Variants in GRIA4 observed in about 807,000 individuals in gnomAD.
GRIA4 encodes glutamate receptor 4.
A neutral mutation model predicts 104.0 loss-of-function variants in GRIA4; 34 were observed. The ratio of observed to expected loss-of-function variants is 0.33; its 90% CI spans 0.25 to 0.44. The LOEUF (loss-of-function observed/expected upper bound fraction) is 0.44, where lower values mean the gene tolerates loss of function less well. Among genes scored for constraint, GRIA4 ranks in the 20% least tolerant of loss-of-function variants. The pLI is 1.00. For missense variants in GRIA4, 750 were observed against 1,096.5 expected (o/e 0.68, Z 4.46); for synonymous variants, 386 against 381.9 (o/e 1.01, Z -0.13).
intron 3 of GRIA4, among the ~76,000 whole-genome samples, chr11:105,644,252 CA>C (rs1951457088): frequency 6.6e-6 from 1 of 152,076 alleles, no homozygotes; most frequent in South Asian, 2.1e-4. Context: ...TTTGCTGTCC[CA>C]AAGCCACATC....
At chr11:105,737,628 T>C (rs1271505616) in intron 3 of GRIA4, among the ~76,000 whole-genome samples, 1 of 152,166 alleles carries the variant, frequency 6.6e-6, no homozygotes, top group Non-Finnish European at 1.5e-5. Flanking sequence ...TTTTCCGTAA[T>C]CCCTTAAGAC....
intron 14 of GRIA4, among the ~76,000 whole-genome samples, chr11:105,965,388 G>A (rs1362929498): frequency 6.9e-6 from 1 of 145,928 alleles, no homozygotes; most frequent in Non-Finnish European, 1.5e-5. Flanking sequence ...GTAGCTTCTA[G>A]TCCATGAAGC....
intron 6 of GRIA4, among the ~76,000 whole-genome samples, chr11:105,888,941 T>C (rs564376696): frequency 2.0e-5 from 3 of 152,252 alleles, no homozygotes; most frequent in South Asian, 4.1e-4. Flanking sequence ...TTTATAAAAA[T>C]ATAAAATTTA....
At chr11:105,711,786 C>T (rs2135550253) in intron 3 of GRIA4, among the ~76,000 whole-genome samples, 1 of 152,152 alleles carries the variant, frequency 6.6e-6, no homozygotes. Context: ...TGGCACCTGT[C>T]CTTAATGTTG....
At chr11:105,969,084 T>C (rs1565372065) in intron 14 of GRIA4, among the ~76,000 whole-genome samples, 3 of 152,228 alleles carry the variant, frequency 2.0e-5, no homozygotes, top group Admixed American at 1.3e-4. Context: ...TAAGTGTTAT[T>C]ATACCAAATA....
chr11:105,897,070 C>G (rs1946675593), intron 6 of GRIA4, among the ~76,000 whole-genome samples: 1 of 152,074 alleles, frequency 6.6e-6, no homozygotes, highest in African/African-American at 2.4e-5. Flanking sequence ...TTTTAGGTGT[C>G]ATCTATGATT....
rs1039354664 is a variant in GRIA4 at position 105,610,849 on chromosome 11, T to C, written c.-90-59T>C. On this transcript the variant is annotated intron_variant, in intron 1 of 16. Coordinates refer to ENST00000282499, the MANE Select transcript of GRIA4 (RefSeq NM_000829.4). ...AACCACCGAAACCTCTTTCCTTTTT[T>C]TTCTTTCTTTTCTTTCTTTTCTTTT... is the stretch of plus-strand genomic sequence containing the variant. The C allele has an allele frequency of 1.4e-5, 8 of 553,284 alleles. No homozygotes were observed. The African/African-American group carries it at 1.7e-4, about 11-fold the overall frequency. 34.3% of individuals were successfully genotyped at this position (553,284 alleles called of 1,614,324 possible).
intron 3 of GRIA4, among the ~76,000 whole-genome samples, chr11:105,654,563 G>A (rs766713350): frequency 2.0e-5 from 3 of 151,854 alleles, no homozygotes; most frequent in Non-Finnish European, 4.4e-5. Context: ...TCTTATCCTA[G>A]CTTTTTGGGT....
In GRIA4 at chr11:105,967,473, G is replaced by C. The variant is rs7930799; in HGVS notation, c.2295-4441G>C. On this transcript the variant is annotated intron_variant, in intron 14 of 16. Transcript: ENST00000282499. ...GGACATAAATATTTGTTGTCCAAAAGAATAAATTTCTCTCTAACCCTGTAG... is the reference window on the plus strand; with the variant it reads ...GGACATAAATATTTGTTGTCCAAAACAATAAATTTCTCTCTAACCCTGTAG... Among the ~76,000 whole-genome samples, 756 of 152,208 alleles carry C rather than the reference G, an allele frequency of 5.0e-3. 5 individuals carry two copies. Among genetic ancestry groups the C allele is most frequent in the African/African-American group, 0.017 (696 of 41,550 alleles).
intron 4 of GRIA4, among the ~76,000 whole-genome samples, chr11:105,794,437 GT>G (rs1942361623): frequency 1.6e-5 from 2 of 124,178 alleles, no homozygotes; most frequent in African/African-American, 3.1e-5. Flanking sequence ...GCCGGGGTGT[GT>G]GTGTGTGTGT....
At position 105,941,672 on chromosome 11, in the gene GRIA4, CAGAATA is replaced by C. The variant is rs1948183161; in HGVS notation, c.2294+7709_2294+7714del. 4.6e-5 allele frequency among the ~76,000 whole-genome samples: 7 copies of C among 151,898 alleles called. No individual in the cohort carries two copies. In the South Asian group the frequency reaches 1.5e-3, roughly 31 times the overall value. The stretch of plus-strand genomic sequence containing the variant: ...AAGTGCTAAATATTTGGGAGTTAGC[CAGAATA>C]AGAATTCAATTGGAGTCAATCAAAC... On this transcript the variant is annotated intron_variant, in intron 14 of 16. Transcript: ENST00000282499.
At chr11:105,923,506 A>G (rs779105139) in intron 11 of GRIA4, among the ~76,000 whole-genome samples, 1 of 152,098 alleles carries the variant, frequency 6.6e-6, no homozygotes, top group Non-Finnish European at 1.5e-5. Flanking sequence ...AAATATTTAG[A>G]TCAGCATCAG....
chr11:105,756,623 A>C (rs2135705322), intron 4 of GRIA4, among the ~76,000 whole-genome samples: 1 of 145,672 alleles, frequency 6.9e-6, no homozygotes, highest in Middle Eastern at 3.5e-3. Flanking sequence ...TTAATAACTC[A>C]GAAAAAAAAA....
chr11:105,926,675 G>A, intron 12 of GRIA4, 66 bp from the exon 13 acceptor site: 10 of 940,598 alleles, frequency 1.1e-5, no homozygotes, highest in Non-Finnish European at 1.4e-5. Context: ...TGAATTGACG[G>A]TATTTCTTTT....
intron 5 of GRIA4, among the ~76,000 whole-genome samples, chr11:105,878,472 G>A (rs1373474278): frequency 6.6e-6 from 1 of 152,218 alleles, no homozygotes; most frequent in Non-Finnish European, 1.5e-5. Flanking sequence ...TCTCTTCAGA[G>A]CCAGCAGGCA....
chr11:105,977,915 A>C (rs982195738), intron 16 of GRIA4, among the ~76,000 whole-genome samples: 1 of 152,026 alleles, frequency 6.6e-6, no homozygotes, highest in African/African-American at 2.4e-5. Flanking sequence ...TTCTTGATTA[A>C]GGGATTCTTT....
rs114323282 is a variant in GRIA4, at chr11:105,862,109, T to G, written c.573T>G (p.Asp191Glu). 3.4e-4 allele frequency: 546 copies of G among 1,610,062 alleles called. 7 individuals are homozygous for G. In the Middle Eastern group the frequency reaches 6.1e-3, roughly 18 times the overall value. ...CTATATGTGTGGAAAATTTTAATGA[T>G]GTCAGCTATAGGCAACTTCTAGAAG... ...VSAICVENFN[D>E]VSYRQLLEEL... The change falls in exon 5 of 17, where the codon GAT becomes GAG. Residue 191 changes from aspartate (D) to glutamate (E), a missense_variant. Asp to Glu is a conservative substitution (Grantham distance 45). Around this residue, in one of 3 missense-constraint regions of GRIA4, gnomAD observed 410 missense variants for 502.7 expected, o/e 0.82. Transcript: ENST00000282499.
chr11:105,906,469 G>C (rs1429233932), intron 9 of GRIA4, among the ~76,000 whole-genome samples: 1 of 152,142 alleles, frequency 6.6e-6, no homozygotes, highest in Admixed American at 6.5e-5. Context: ...CCGAAGAAAG[G>C]CTTGGAGGCA....
At chr11:105,803,639 T>A (rs1364661175) in intron 4 of GRIA4, among the ~76,000 whole-genome samples, 1 of 151,910 alleles carries the variant, frequency 6.6e-6, no homozygotes, top group Non-Finnish European at 1.5e-5. Context: ...GATCAATAAA[T>A]TGATGTGCTA....
Sources: allele counts gnomAD v4.1 joint callset (sites outside exome capture counted in the v4.1 genomes callset), GRCh38; gene constraint gnomAD v4.1.1; regional missense constraint gnomAD v4.1.1; transcripts MANE v1.5; gene names NCBI Gene and HGNC (gene_info 2026-07-23, HGNC 2026-07-21).